The following VEGFA variants were observed in gnomAD, a reference collection of about 807,000 sequenced individuals.
VEGFA encodes vascular endothelial growth factor A.
VEGFA carries 20 observed loss-of-function variants against 49.7 expected under a neutral mutation model. The observed-to-expected ratio is 0.40, with a 90% CI of 0.28 to 0.58. The LOEUF (loss-of-function observed/expected upper bound fraction) is 0.58. Ranked by LOEUF, VEGFA falls within the 20% of genes least tolerant of loss-of-function variation. VEGFA has a pLI of 0.40. For missense variants in VEGFA, 505 were observed against 553.5 expected, an observed-to-expected ratio of 0.91 and a Z score of 0.88; for synonymous variants, 219 against 223.4, an observed-to-expected ratio of 0.98 and a Z score of 0.18.
Position 43,779,468 on chromosome 6 carries a change from G to A in VEGFA, c.962+550G>A, listed in dbSNP as rs578121960. 261 of 358,900 alleles carry A rather than the reference G, an allele frequency of 7.3e-4. 1 individual carries two copies. The highest frequency in any genetic ancestry group is 5.3e-3 in the African/African-American group (250 of 47,208). The allele number at this position is 358,900 out of a possible 1,614,324, so 22.2% of individuals were successfully genotyped here. On this transcript the variant is annotated intron_variant, in intron 5 of 7. Transcript: ENST00000672860. ...TGGTCATTTTCAGAGGCTTGTGAGT[G>A]CTCCGTGTTAAGGGGCAGGTAGGAT...
Position 43,778,577 on chromosome 6 carries a change from C to T in VEGFA, c.932+41C>T, listed in dbSNP as rs1766240553. 6.9e-6 allele frequency: 11 copies of T among 1,587,468 alleles called. No homozygotes were observed. The East Asian group carries it at 2.2e-4, about 32-fold the overall frequency. On this transcript the variant is annotated intron_variant, in intron 4 of 7. Transcript: ENST00000672860. Reference sequence around the variant, plus strand: ...CGGATTCATTATCAGCAAGTGGCTGCAGGGTGCCTGATCTGTGCCAGGGTT... The same window carrying T: ...CGGATTCATTATCAGCAAGTGGCTGTAGGGTGCCTGATCTGTGCCAGGGTT...
intron 2 of VEGFA, 165 bp downstream of exon 2, chr6:43,774,557 G>A (rs1291958751): frequency 3.8e-6 from 3 of 788,298 alleles, no homozygotes; most frequent in Non-Finnish European, 6.5e-6. Context: ...CCTCAGTTTC[G>A]TGAGGACTCT....
chr6:43,778,204 T>C (rs1766099499), intron 3 of VEGFA: 1 of 573,456 alleles, frequency 1.7e-6, no homozygotes, highest in Non-Finnish European at 3.1e-6. Context: ...AGGATTTGAA[T>C]TCCCAGCCTG....
intron 7 of VEGFA, 82 bp from the exon 8 acceptor site, chr6:43,784,459 C>T (rs1769057991): frequency 6.9e-7 from 1 of 1,448,950 alleles, no homozygotes; most frequent in Non-Finnish European, 9.7e-7. Flanking sequence ...CAGGGGCCCC[C>T]AGGAATGGGG....
In VEGFA at chr6:43,786,379, C is replaced by T. The variant is rs371781236; in HGVS notation, c.*1817C>T. The T allele has an allele frequency of 3.4e-5, 6 of 175,076 alleles. No individual in the cohort carries two copies. The highest frequency in any genetic ancestry group is 9.7e-5 in the East Asian group (1 of 10,302). The allele number at this position is 175,076 out of a possible 1,614,324, so 10.8% of individuals were successfully genotyped here. A position where few individuals can be genotyped will look rare whatever the true frequency, so the allele number is the denominator to read the frequency against. ...CGTCTTTGTCTCTAGTGCAGTTTTTCGAGATATTCCGTAGTACATATTTAT... is the reference window on the plus strand; with the variant it reads ...CGTCTTTGTCTCTAGTGCAGTTTTTTGAGATATTCCGTAGTACATATTTAT... On this transcript the variant is annotated 3_prime_UTR_variant, in exon 8 of 8. Coordinates refer to ENST00000672860, the MANE Select transcript of VEGFA (RefSeq NM_003376.6).
At chr6:43,778,791 G>C in intron 4 of VEGFA, 98 bp from the exon 5 acceptor site, 1 of 1,397,556 alleles carries the variant, frequency 7.2e-7, no homozygotes, top group Non-Finnish European at 1.0e-6. Context: ...AATAAATGCT[G>C]TTTTTACTGT....
chr6:43,772,361 C>T (rs781047174), intron 1 of VEGFA, among the ~76,000 whole-genome samples: 1 of 152,208 alleles, frequency 6.6e-6, no homozygotes, highest in Non-Finnish European at 1.5e-5. Flanking sequence ...GCCCACTGGG[C>T]GCTTTGTCAC....
intron 7 of VEGFA, chr6:43,782,309 G>A (rs1048541457): frequency 3.0e-5 from 19 of 637,620 alleles, no homozygotes; most frequent in Admixed American, 5.3e-5. Flanking sequence ...GGCCTGTTCC[G>A]AGGTTGCCCT....
Position 43,784,672 on chromosome 6 carries a change from A to G in VEGFA, c.*110A>G. 6.4e-7 allele frequency: 1 copy of G among 1,567,322 alleles called. No homozygotes were observed. On this transcript the variant is annotated 3_prime_UTR_variant, in exon 8 of 8. Transcript: ENST00000672860. ...GAAACCACGCTGCCGCCACCACACC[A>G]TCACCATCGACAGAACAGTCCTTAA...
chr6:43,780,234 G>GTA lies in VEGFA; in HGVS notation c.963-498_963-497insTA, dbSNP rs3025013. 8 of 133,002 alleles carry GTA rather than the reference G, an allele frequency of 6.0e-5. 1 individual carries two copies. The highest frequency in any genetic ancestry group is 5.0e-4 in the South Asian group (8 of 15,846). 8.2% of individuals were successfully genotyped at this position (133,002 alleles called of 1,614,324 possible). On this transcript the variant is annotated intron_variant, in intron 5 of 7. Coordinates refer to ENST00000672860, the MANE Select transcript of VEGFA (RefSeq NM_003376.6). ...TCGCAGTTGCAAATGAAGGCACAAG[G>GTA]CCTGATACACAGCCCTCCCTCCCAC... is the stretch of plus-strand genomic sequence containing the variant.
intron 5 of VEGFA, 81 bp from the exon 6 acceptor site, chr6:43,780,651 C>G: frequency 6.4e-7 from 1 of 1,570,390 alleles, no homozygotes; most frequent in Non-Finnish European, 8.7e-7. Flanking sequence ...GGTCGTTCCC[C>G]CATCCCTGCC....
intron 5 of VEGFA, chr6:43,779,596 G>A: frequency 2.3e-6 from 1 of 431,532 alleles, no homozygotes. Flanking sequence ...GAGAGCACCT[G>A]TGCCCTGCCC....
chr6:43,781,899 T>C, intron 6 of VEGFA, 57 bp from the exon 7 acceptor site: 2 of 1,607,652 alleles, frequency 1.2e-6, no homozygotes, highest in Admixed American at 1.7e-5. Context: ...GGTGATTTTT[T>C]TTCTCTCTCT....
chr6:43,781,126 G>T (rs1012876132), intron 6 of VEGFA: 2 of 565,652 alleles, frequency 3.5e-6, no homozygotes, highest in Non-Finnish European at 6.3e-6. Context: ...GTTGGCACAG[G>T]TGCCTGCTCA....
At chr6:43,780,920 T>C in intron 6 of VEGFA, 117 bp downstream of exon 6, 1 of 1,610,330 alleles carries the variant, frequency 6.2e-7, no homozygotes, top group South Asian at 1.1e-5. Context: ...CTGGCTCTCA[T>C]CCTCCTGGCC....
chr6:43,774,161 G>C, intron 1 of VEGFA, 180 bp from the exon 2 acceptor site: 2 of 679,424 alleles, frequency 2.9e-6, no homozygotes, highest in Admixed American at 4.2e-5. Context: ...CAGTCCAGGA[G>C]TGGTGGGCAT....
At chr6:43,782,734 C>G (rs1208676309) in intron 7 of VEGFA, 1 of 164,056 alleles carries the variant, frequency 6.1e-6, no homozygotes, top group East Asian at 1.7e-4. Flanking sequence ...ACTGAGGCTC[C>G]CTCAGGCCAG....
Position 43,779,815 on chromosome 6 carries a change from C to T in VEGFA, c.962+897C>T. 4.6e-6 allele frequency: 2 copies of T among 438,094 alleles called. 1 individual carries two copies. The highest frequency in any genetic ancestry group is 3.3e-5 in the South Asian group (2 of 61,392). The allele number at this position is 438,094 out of a possible 1,614,324, so 27.1% of individuals were successfully genotyped here. A position where few individuals can be genotyped will look rare whatever the true frequency, so the allele number is the denominator to read the frequency against. ...CCCCTCCTTTCTTCCCTGTGACAGA[C>T]ATCCTGAGGTGTGTTCTCTTGGGCT... On this transcript the variant is annotated intron_variant, in intron 5 of 7. Transcript: ENST00000672860.
In VEGFA at chr6:43,770,563, AAG is replaced by A. The variant is rs1763243388; in HGVS notation, c.-136_-135del. On this transcript the variant is annotated 5_prime_UTR_variant, in exon 1 of 8. Coordinates refer to ENST00000672860, the MANE Select transcript of VEGFA (RefSeq NM_003376.6). ...CAAGAGCTCCAGAGAGAAGTCGAGGAAGAGAGAGACGGGGTCAGAGAGAGCGC... is the reference window on the plus strand; with the variant it reads ...CAAGAGCTCCAGAGAGAAGTCGAGGAAGAGAGACGGGGTCAGAGAGAGCGC... 3.7e-6 allele frequency: 5 copies of A among 1,345,842 alleles called. No homozygotes were observed. Among genetic ancestry groups the A allele is most frequent in the Admixed American group, 3.8e-5 (1 of 26,050 alleles). The allele number at this position is 1,345,842 out of a possible 1,614,324, so 83.4% of individuals were successfully genotyped here. A position where few individuals can be genotyped will look rare whatever the true frequency, so the allele number is the denominator to read the frequency against.
Sources: gnomAD v4.1 joint callset for allele counts (sites outside exome capture counted in the v4.1 genomes callset) on GRCh38, gnomAD v4.1.1 for gene constraint, MANE v1.5 for transcripts, NCBI Gene and HGNC (gene_info 2026-07-23, HGNC 2026-07-21) for gene names.